CHD5: variants seen among roughly 807,000 people sequenced by gnomAD.
CHD5 encodes the protein ATP-dependent chromatin remodeler CHD5.
A neutral mutation model predicts 230.3 loss-of-function variants in CHD5; 69 were observed. The ratio of observed to expected loss-of-function variants is 0.30; its 90% CI spans 0.25 to 0.37. The LOEUF is 0.37. Among genes scored for constraint, CHD5 ranks in the 10% least tolerant of loss-of-function variants. The probability of loss-of-function intolerance (pLI) is 1.00; values close to 1 mark genes in which losing one functional copy is unlikely to be tolerated. For synonymous variants in CHD5, 1,064 were observed against 1,065.9 expected (o/e 1.00, Z 0.03); for missense variants, 1,827 against 2,622.8 (o/e 0.70, Z 6.63).
At position 6,152,448 on chromosome 1, in the gene CHD5, G is replaced by T; in HGVS notation, c.834C>A (p.Phe278Leu). ...GKKTAGLKFR[F>L]GGISNKRKKG... Reference sequence around the variant, plus strand: ...TCTTCCTCTTGTTGCTGATCCCCCCGAAGCGGAACTTGAGCCCGGCCGTCT... The same window carrying T: ...TCTTCCTCTTGTTGCTGATCCCCCCTAAGCGGAACTTGAGCCCGGCCGTCT... The change falls in exon 6 of 42, where the codon TTC becomes TTA. Residue 278 changes from phenylalanine (F) to leucine (L), a missense_variant. Transcript: ENST00000262450. 1 of 1,614,114 alleles carries T rather than the reference G, an allele frequency of 6.2e-7. No homozygotes were observed. Among genetic ancestry groups the T allele is most frequent in the Non-Finnish European group, 8.5e-7 (1 of 1,180,026 alleles).
At chr1:6,113,452 T>C in intron 33 of CHD5, 1 of 269,356 alleles carries the variant, frequency 3.7e-6, no homozygotes, top group Non-Finnish European at 7.7e-6. Flanking sequence ...GAAGATGAGT[T>C]CCCAAGAAGA....
At position 6,146,953 on chromosome 1, in the gene CHD5, C is replaced by G; in HGVS notation, c.1384-82G>C. 1 of 1,079,438 alleles carries G rather than the reference C, an allele frequency of 9.3e-7. No individual in the cohort carries two copies. Among genetic ancestry groups the G allele is most frequent in the Non-Finnish European group, 1.3e-6 (1 of 769,830 alleles). The allele number at this position is 1,079,438 out of a possible 1,614,324, so 66.9% of individuals were successfully genotyped here. On this transcript the variant is annotated intron_variant, in intron 9 of 41. Transcript: ENST00000262450. This position sits in a 1 kb window ranked among gnomAD's most constrained non-coding sequence, Gnocchi z 5.1. ...GCTCCCATGACAGCAGGCTGCCATG[C>G]AGGCTCCCTCCCATCAGTGCCACTG...
At chr1:6,144,249 C>T (rs1666876174) in intron 11 of CHD5, 94 bp from the exon 12 acceptor site, 2 of 1,541,948 alleles carry the variant, frequency 1.3e-6, no homozygotes, top group Non-Finnish European at 1.8e-6. Context: ...GCCATTCACA[C>T]CCAGGGTCCC....
chr1:6,160,077 G>A (rs546810240), intron 2 of CHD5, among the ~76,000 whole-genome samples: 12 of 141,858 alleles, frequency 8.5e-5, no homozygotes, highest in African/African-American at 3.5e-4. Flanking sequence ...GCCAGGGAAG[G>A]GCCCCAGCCA....
chr1:6,170,815 C>T (rs543371483), intron 1 of CHD5, among the ~76,000 whole-genome samples: 3 of 152,318 alleles, frequency 2.0e-5, no homozygotes, highest in East Asian at 3.9e-4. Flanking sequence ...CCCTCGGAGT[C>T]GTCCTGCAGA....
intron 15 of CHD5, among the ~76,000 whole-genome samples, chr1:6,138,837 A>G (rs1055470975): frequency 6.6e-6 from 1 of 152,214 alleles, no homozygotes; most frequent in Non-Finnish European, 1.5e-5. Context: ...AGCGTTACTG[A>G]CGACCACTAA....
In CHD5 at chr1:6,128,371, C is replaced by T; in HGVS notation, c.3730+128G>A. 1.8e-6 allele frequency: 2 copies of T among 1,093,776 alleles called. No individual in the cohort carries two copies. The highest frequency in any genetic ancestry group is 2.7e-6 in the Non-Finnish European group (2 of 746,664). The allele number at this position is 1,093,776 out of a possible 1,614,324, so 67.8% of individuals were successfully genotyped here. A position where few individuals can be genotyped will look rare whatever the true frequency, so the allele number is the denominator to read the frequency against. On this transcript the variant is annotated intron_variant, in intron 24 of 41. Coordinates refer to ENST00000262450, the MANE Select transcript of CHD5 (RefSeq NM_015557.3). This position sits in a 1 kb window ranked among gnomAD's most constrained non-coding sequence, Gnocchi z 7.8. Reference sequence around the variant, plus strand: ...CCAGACAGAGGAAACTGCGCTGTAACAGCCCCACTCGCCGCCCACCTGGCA... The same window carrying T: ...CCAGACAGAGGAAACTGCGCTGTAATAGCCCCACTCGCCGCCCACCTGGCA...
intron 36 of CHD5, among the ~76,000 whole-genome samples, chr1:6,111,326 G>A (rs1466738591): frequency 6.6e-6 from 1 of 151,686 alleles, no homozygotes; most frequent in East Asian, 1.9e-4. Context: ...TTGAGGTCAG[G>A]AGTTCGAGAC....
intron 15 of CHD5, among the ~76,000 whole-genome samples, chr1:6,138,113 C>T (rs1248786425): frequency 5.3e-5 from 8 of 152,178 alleles, no homozygotes; most frequent in African/African-American, 2.4e-5. Context: ...CAGTGGCTCC[C>T]GCCTATAATC....
chr1:6,139,025 C>T (rs997301144), intron 15 of CHD5, among the ~76,000 whole-genome samples: 2 of 152,166 alleles, frequency 1.3e-5, no homozygotes, highest in African/African-American at 4.8e-5. Flanking sequence ...ATAGATGTTT[C>T]CCGATTCTAC....
chr1:6,171,331 C>T (rs1667335261), intron 1 of CHD5, among the ~76,000 whole-genome samples: 2 of 152,168 alleles, frequency 1.3e-5, no homozygotes, highest in South Asian at 4.1e-4. Context: ...CCCAGAAGAC[C>T]TCACAGCCCA....
chr1:6,173,943 G>A (rs1371039863), intron 1 of CHD5, among the ~76,000 whole-genome samples: 1 of 152,180 alleles, frequency 6.6e-6, no homozygotes, highest in East Asian at 1.9e-4. Context: ...CACCTCATTG[G>A]TGTCACATCA....
Position 6,124,670 on chromosome 1 carries a change from G to GC in CHD5, c.4395-10_4395-9insG, listed in dbSNP as rs904772270. 1.6e-6 allele frequency: 2 copies of GC among 1,281,794 alleles called. No individual in the cohort carries two copies. The highest frequency in any genetic ancestry group is 2.6e-5 in the East Asian group (1 of 38,208). 79.4% of individuals were successfully genotyped at this position (1,281,794 alleles called of 1,614,324 possible). On this transcript the variant is annotated splice_polypyrimidine_tract_variant and intron_variant, in intron 29 of 41. Transcript: ENST00000262450. ...AGAGGGACACATAGGCTCTGGGGTG[G>GC]GGGGGGGGGACTGGGGCTCAGGGAG...
chr1:6,124,990 G>A (rs551105440), intron 29 of CHD5, 110 bp downstream of exon 29: 64 of 1,174,426 alleles, frequency 5.4e-5, no homozygotes, highest in Non-Finnish European at 6.5e-5. Flanking sequence ...CTTTCCAGAC[G>A]GCCTCATCCT....
In CHD5 at chr1:6,112,252, C is replaced by A; in HGVS notation, c.5028G>T (p.Glu1676Asp). The A allele has an allele frequency of 6.2e-7, 1 of 1,614,166 alleles. No homozygotes were observed. The highest frequency in any genetic ancestry group is 8.5e-7 in the Non-Finnish European group (1 of 1,180,022). ...CACCATTTTGCTGTGTTTCAATGGG[C>A]TCCTTCTCCTCAGCCTTGGTGTCAT... ...RPDDTKAEEK[E>D]PIETQQNGDK... The change falls in exon 35 of 42, where the codon GAG becomes GAT. Residue 1676 changes from glutamate to aspartate, a missense_variant. Physicochemically the swap from Glu to Asp is conservative, Grantham distance 45. Around this residue, in one of 14 missense-constraint regions of CHD5, gnomAD observed 272 missense variants for 263.2 expected, o/e 1.03. Transcript: ENST00000262450.
rs1667049870 is a variant in CHD5, at chr1:6,154,452, A to G, written c.745+208T>C. ...TCGCCTCTGCTTCTCCACCAACCCC[A>G]AAAGGGAGTCAGGCACAAAAGAGGC... On this transcript the variant is annotated intron_variant, in intron 5 of 41. Transcript: ENST00000262450. The surrounding 1 kb of genome is among the most constrained non-coding windows in gnomAD (Gnocchi z 7.0). Among the ~76,000 whole-genome samples, 1 of 152,072 alleles carries G rather than the reference A, an allele frequency of 6.6e-6. No individual in the cohort carries two copies. The highest frequency in any genetic ancestry group is 2.1e-4 in the South Asian group (1 of 4,814).
intron 11 of CHD5, among the ~76,000 whole-genome samples, chr1:6,145,043 T>A (rs1041648108): frequency 7.9e-5 from 12 of 152,132 alleles, no homozygotes; most frequent in Non-Finnish European, 1.5e-5. Context: ...CATGGGCCAA[T>A]TCATTGCCGG....
At chr1:6,144,974 G>A (rs1422670220) in intron 11 of CHD5, among the ~76,000 whole-genome samples, 1 of 152,208 alleles carries the variant, frequency 6.6e-6, no homozygotes, top group African/African-American at 2.4e-5. Flanking sequence ...CCCACTTTGG[G>A]GCAGAGAGAA....
At position 6,159,530 on chromosome 1, in the gene CHD5, G is replaced by A. The variant is rs752595586; in HGVS notation, c.208-15C>T. 6.3e-7 allele frequency: 1 copy of A among 1,588,604 alleles called. No individual in the cohort carries two copies. The highest frequency in any genetic ancestry group is 8.6e-7 in the Non-Finnish European group (1 of 1,164,836). On this transcript the variant is annotated splice_polypyrimidine_tract_variant and intron_variant, in intron 2 of 41. Coordinates refer to ENST00000262450, the MANE Select transcript of CHD5 (RefSeq NM_015557.3). ...TCATTGCTCCCCTGGAAAAGAAGGG[G>A]GACAGTGAGGGCAACAGAGGCCCCA...
Sources: gnomAD v4.1 joint callset for allele counts (sites outside exome capture counted in the v4.1 genomes callset) on GRCh38, gnomAD v4.1.1 for gene constraint, gnomAD v4.1.1 regional missense constraint, Gnocchi (gnomAD v3.1) non-coding constraint, MANE v1.5 for transcripts, NCBI Gene and HGNC (gene_info 2026-07-23, HGNC 2026-07-21) for gene names.